The following C7 variants were observed in gnomAD, a reference collection of about 807,000 sequenced individuals.
C7 encodes complement C7.
A neutral mutation model predicts 104.8 loss-of-function variants in C7; 83 were observed. That is an observed-to-expected ratio of 0.79 (90% CI 0.66 to 0.95). C7 has a LOEUF of 0.95. C7 is among the 40% of genes least tolerant of loss of function. The pLI, the probability that C7 is intolerant of heterozygous loss-of-function variation, is 0.00. For missense variants in C7, 1,070 were observed against 1,011.2 expected (o/e 1.06, Z -0.79); for synonymous variants, 415 against 360.6 (o/e 1.15, Z -1.71).
chr5:40,928,934 T>C (rs961642019), intron 2 of C7, among the ~76,000 whole-genome samples: 51 of 152,242 alleles, frequency 3.3e-4, no homozygotes, highest in African/African-American at 4.8e-5. Context: ...AGTGGACTTA[T>C]ATATCTTAGA....
rs1369263159 is a variant in C7, at chr5:40,928,587, G to A, written c.14G>A (p.Ser5Asn). The A allele has an allele frequency of 6.5e-7, 1 of 1,532,546 alleles. No homozygotes were observed. The highest frequency in any genetic ancestry group is 1.9e-5 in the Admixed American group (1 of 51,356). 94.9% of individuals were successfully genotyped at this position (1,532,546 alleles called of 1,614,324 possible). A position where few individuals can be genotyped will look rare whatever the true frequency, so the allele number is the denominator to read the frequency against. Residue 5 changes from serine to asparagine, a missense_variant, in exon 2 of 18, where the codon AGC becomes AAC. Physicochemically the swap from Ser to Asn is conservative, Grantham distance 46 (BLOSUM62 1). Coordinates refer to ENST00000313164, the MANE Select transcript of C7 (RefSeq NM_000587.4). ...ATTGTTTTTCTTCTCCAGGTGATAA[G>A]CTTATTCATTTTGGTGGGATTTATA... MKVI[S>N]LFILVGFIGE...
intron 14 of C7, among the ~76,000 whole-genome samples, chr5:40,967,920 G>C (rs574097988): frequency 1.1e-3 from 173 of 151,946 alleles, no homozygotes; most frequent in South Asian, 3.3e-3. Context: ...TATTTTTCTG[G>C]GCTTTTATTG....
intron 1 of C7, among the ~76,000 whole-genome samples, chr5:40,922,930 G>T (rs1017051896): frequency 3.3e-5 from 5 of 152,024 alleles, no homozygotes; most frequent in African/African-American, 1.2e-4. Context: ...GTTTTTTGGG[G>T]TAAGATCTCA....
intron 9 of C7, 72 bp downstream of exon 9, chr5:40,950,086 G>C (rs1579858205): frequency 1.2e-6 from 1 of 853,238 alleles, no homozygotes; most frequent in Non-Finnish European, 1.9e-6. Context: ...TCAAGGGTAC[G>C]CGTGAAGTTA....
At chr5:40,972,725 C>T (rs188929808) in intron 15 of C7, 131 bp downstream of exon 15, 1 of 687,838 alleles carries the variant, frequency 1.5e-6, no homozygotes, top group Admixed American at 2.7e-5. Flanking sequence ...AAGATAGGGT[C>T]AGTTTGTAGA....
intron 6 of C7, among the ~76,000 whole-genome samples, chr5:40,943,493 G>A (rs1739982882): frequency 6.6e-6 from 1 of 151,570 alleles, no homozygotes; most frequent in South Asian, 2.1e-4. Context: ...AGAAGATGCT[G>A]AACTAAAGCA....
chr5:40,916,145 A>T (rs187037714), intron 1 of C7, among the ~76,000 whole-genome samples: 15 of 152,318 alleles, frequency 9.8e-5, no homozygotes, highest in African/African-American at 2.9e-4. Context: ...AACTACCTAT[A>T]ATTTGACAAC....
rs1013735755 is a variant in C7 at position 40,936,365 on chromosome 5, G to A, written c.308G>A (p.Cys103Tyr). 6 of 1,613,366 alleles carry A rather than the reference G, an allele frequency of 3.7e-6. No homozygotes were observed. Among genetic ancestry groups the A allele is most frequent in the Non-Finnish European group, 5.1e-6 (6 of 1,179,466 alleles). The change falls in exon 5 of 18, where the codon TGC becomes TAC. Residue 103 changes from cysteine (C) to tyrosine (Y), a missense_variant. Transcript: ENST00000313164. ...CAGTGCATCAGCAAATCATTGGTTT[G>A]CAATGGGGATTCTGACTGTGATGAA... ...SGQCISKSLV[C>Y]NGDSDCDEDS...
chr5:40,968,185 G>T (rs536866104), intron 14 of C7, among the ~76,000 whole-genome samples: 79 of 151,656 alleles, frequency 5.2e-4, no homozygotes, highest in African/African-American at 1.7e-3. Flanking sequence ...GAGTGCAGTG[G>T]TGCGATCTCG....
At chr5:40,961,290 C>A (rs1022505802) in intron 12 of C7, among the ~76,000 whole-genome samples, 7 of 152,160 alleles carry the variant, frequency 4.6e-5, no homozygotes, top group Admixed American at 1.3e-4. Context: ...ATATGCAGAG[C>A]AACTGCCATG....
chr5:40,928,524 A>C, intron 1 of C7, 56 bp from the exon 2 acceptor site: 1 of 969,540 alleles, frequency 1.0e-6, no homozygotes, highest in African/African-American at 1.6e-5. Context: ...TTGTCAATTT[A>C]TAGTTATAAA....
chr5:40,939,638 T>G (rs1162254092), intron 6 of C7, among the ~76,000 whole-genome samples: 2 of 152,262 alleles, frequency 1.3e-5, no homozygotes, highest in African/African-American at 4.8e-5. Flanking sequence ...CAGATAATTT[T>G]TTTTCTCCCT....
At chr5:40,917,475 A>G (rs1739342241) in intron 1 of C7, among the ~76,000 whole-genome samples, 1 of 152,136 alleles carries the variant, frequency 6.6e-6, no homozygotes, top group South Asian at 2.1e-4. Context: ...TTTTAAGGCC[A>G]AGTACTATTT....
At chr5:40,958,704 C>T (rs929557130) in intron 11 of C7, among the ~76,000 whole-genome samples, 5 of 152,126 alleles carry the variant, frequency 3.3e-5, no homozygotes, top group Non-Finnish European at 5.9e-5. Flanking sequence ...GTGTGCTCTA[C>T]GGTGTATATG....
At chr5:40,921,872 T>C (rs993241442) in intron 1 of C7, among the ~76,000 whole-genome samples, 4 of 150,478 alleles carry the variant, frequency 2.7e-5, no homozygotes, top group South Asian at 2.1e-4. Context: ...CCGTCTCTAC[T>C]AAAAAAAATA....
At chr5:40,978,414 C>T (rs1414042927) in intron 16 of C7, among the ~76,000 whole-genome samples, 1 of 152,116 alleles carries the variant, frequency 6.6e-6, no homozygotes, top group Admixed American at 6.6e-5. Flanking sequence ...TCCAACTTCC[C>T]CATTTCATTT....
At chr5:40,920,571 C>T (rs79517935) in intron 1 of C7, among the ~76,000 whole-genome samples, 3,637 of 147,846 alleles carry the variant, frequency 0.025, 77 homozygotes, top group Non-Finnish European at 0.035. Flanking sequence ...GACTTGATGG[C>T]TTCATGGCTG....
At chr5:40,938,148 C>T (rs1739855816) in intron 6 of C7, among the ~76,000 whole-genome samples, 1 of 152,120 alleles carries the variant, frequency 6.6e-6, no homozygotes. Context: ...TGCCCACCAT[C>T]TGCCTTAAGA....
At position 40,975,366 on chromosome 5, in the gene C7, C is replaced by CTTTTTT. The variant is rs1162765793; in HGVS notation, c.2075-1374_2075-1369dup. Among the ~76,000 whole-genome samples, 14 of 142,028 alleles carry CTTTTTT rather than the reference C, an allele frequency of 9.9e-5. 2 individuals are homozygous for CTTTTTT. The highest frequency in any genetic ancestry group is 1.1e-4 in the Non-Finnish European group (7 of 65,212). The allele number at this position is 142,028 out of a possible 152,430, so 93.2% of individuals were successfully genotyped here. A position where few individuals can be genotyped will look rare whatever the true frequency, so the allele number is the denominator to read the frequency against. On this transcript the variant is annotated intron_variant, in intron 15 of 17. Transcript: ENST00000313164. ...TAATACCATTTTAAAGAGAAGTGTG[C>CTTTTTT]TTTTTTTTTTTTTTTGAGACAAGGT... is the stretch of plus-strand genomic sequence containing the variant.
Sources: allele counts gnomAD v4.1 joint callset (sites outside exome capture counted in the v4.1 genomes callset), GRCh38; gene constraint gnomAD v4.1.1; transcripts MANE v1.5; gene names NCBI Gene and HGNC (gene_info 2026-07-23, HGNC 2026-07-21).